Variants in GPAT3 observed in about 807,000 individuals in gnomAD.
GPAT3 encodes glycerol-3-phosphate acyltransferase 3.
In GPAT3, 53 loss-of-function variants were observed where a neutral mutation model predicts 58.8. The observed-to-expected ratio is 0.90, with a 90% CI of 0.72 to 1.13. The LOEUF (loss-of-function observed/expected upper bound fraction) is 1.13, where lower values mean the gene tolerates loss of function less well. Ranked by LOEUF, GPAT3 falls within the 50% of genes most tolerant of loss-of-function variation. The pLI, the probability that GPAT3 is intolerant of heterozygous loss-of-function variation, is 0.00. For missense variants in GPAT3, 511 were observed against 527.6 expected (o/e 0.97, Z 0.31); for synonymous variants, 197 against 187.4 (o/e 1.05, Z -0.42).
chr4:83,562,139 T>C (rs1279117880), intron 2 of GPAT3, among the ~76,000 whole-genome samples: 2 of 139,492 alleles, frequency 1.4e-5, no homozygotes, highest in Non-Finnish European at 3.0e-5. Flanking sequence ...GCCTAGGAGA[T>C]ATTAGGCACC....
At chr4:83,550,090 G>C (rs1396038157) in intron 2 of GPAT3, among the ~76,000 whole-genome samples, 1 of 151,880 alleles carries the variant, frequency 6.6e-6, no homozygotes, top group African/African-American at 2.4e-5. Flanking sequence ...AACTCCTCAG[G>C]ATGGTCTTAA....
At chr4:83,603,790 C>CAAA (rs58399873) in intron 11 of GPAT3, among the ~76,000 whole-genome samples, 35 of 120,626 alleles carry the variant, frequency 2.9e-4, no homozygotes, top group East Asian at 9.7e-4. Flanking sequence ...AACTCTGTCT[C>CAAA]AAAAAAAAAA....
At chr4:83,559,183 C>G (rs1725042533) in intron 2 of GPAT3, among the ~76,000 whole-genome samples, 1 of 152,118 alleles carries the variant, frequency 6.6e-6, no homozygotes, top group South Asian at 2.1e-4. Flanking sequence ...TTAACAGTGC[C>G]TGGTCATCTT....
chr4:83,580,451 T>C (rs1011435249), intron 2 of GPAT3, among the ~76,000 whole-genome samples: 2 of 152,210 alleles, frequency 1.3e-5, no homozygotes, highest in Non-Finnish European at 2.9e-5. Context: ...TGAACACCCT[T>C]GCCTACATTT....
At chr4:83,563,193 G>A (rs141790013) in intron 2 of GPAT3, among the ~76,000 whole-genome samples, 4 of 152,168 alleles carry the variant, frequency 2.6e-5, no homozygotes, top group Non-Finnish European at 4.4e-5. Context: ...GGACAAACAC[G>A]CAAAGGATAT....
chr4:83,605,711 T>A lies in GPAT3; in HGVS notation c.*944T>A, dbSNP rs1033406031. On this transcript the variant is annotated 3_prime_UTR_variant, in exon 12 of 12. Transcript: ENST00000264409. The stretch of plus-strand genomic sequence containing the variant: ...ATCTTTTGGAAACTGAGCCTTAATT[T>A]TTTTTAGAGGGGGAAATAAGTTTTC... The A allele has an allele frequency of 2.6e-5, 4 of 152,586 alleles. No homozygotes were observed. Among genetic ancestry groups the A allele is most frequent in the African/African-American group, 7.2e-5 (3 of 41,418 alleles). The allele number at this position is 152,586 out of a possible 1,614,324, so 9.5% of individuals were successfully genotyped here.
rs894678438 is a variant in GPAT3, at chr4:83,598,734, T to G, written c.1205+11T>G. On this transcript the variant is annotated intron_variant, in intron 11 of 11. Coordinates refer to ENST00000264409, the MANE Select transcript of GPAT3 (RefSeq NM_032717.5). ...GACTGAACTTCCCTGGTAAGAGAACTTTCAGAAGTACTATCACTTTTTTTT... is the reference window on the plus strand; with the variant it reads ...GACTGAACTTCCCTGGTAAGAGAACGTTCAGAAGTACTATCACTTTTTTTT... 2.3e-6 allele frequency: 2 copies of G among 882,578 alleles called. No homozygotes were observed. The highest frequency in any genetic ancestry group is 3.4e-6 in the Non-Finnish European group (2 of 586,380). 54.7% of individuals were successfully genotyped at this position (882,578 alleles called of 1,614,324 possible). A position where few individuals can be genotyped will look rare whatever the true frequency, so the allele number is the denominator to read the frequency against.
chr4:83,542,556 C>T (rs375697465), intron 1 of GPAT3, among the ~76,000 whole-genome samples: 3 of 152,222 alleles, frequency 2.0e-5, no homozygotes, highest in Non-Finnish European at 2.9e-5. Flanking sequence ...AGATATCATG[C>T]GTTACTCCCT....
chr4:83,573,195 C>T (rs1268858235), intron 2 of GPAT3, among the ~76,000 whole-genome samples: 4 of 152,008 alleles, frequency 2.6e-5, no homozygotes, highest in South Asian at 4.1e-4. Flanking sequence ...AGTGCAGTGG[C>T]GTGATCTTGG....
At chr4:83,598,005 A>T in intron 9 of GPAT3, 46 bp from the exon 10 acceptor site, 3 of 1,608,164 alleles carry the variant, frequency 1.9e-6, no homozygotes, top group Non-Finnish European at 2.5e-6. Context: ...CACGGATGAG[A>T]AACCACCCTT....
In GPAT3 at chr4:83,598,663, A is replaced by G; in HGVS notation, c.1145A>G (p.Gln382Arg). 6.3e-7 allele frequency: 1 copy of G among 1,580,912 alleles called. No homozygotes were observed. Among genetic ancestry groups the G allele is most frequent in the African/African-American group, 1.4e-5 (1 of 72,338 alleles). The change falls in exon 11 of 12, where the codon CAG (glutamine) becomes CGG (arginine). Residue 382 changes from glutamine to arginine, a missense_variant. Transcript: ENST00000264409. ...AACCAGGAAGGAGAAGATGCAGTCC[A>G]GTTTGCTAACAGGGTTAAGTCTGCT... ...MTREEGEDAVQFANRVKSAIA... is the reference protein window; with the variant it reads ...MTREEGEDAVRFANRVKSAIA...
At chr4:83,540,112 A>G (rs10017622) in intron 1 of GPAT3, among the ~76,000 whole-genome samples, 51,325 of 150,086 alleles carry the variant, frequency 0.34, 9,695 homozygotes, top group Middle Eastern at 0.5. Context: ...AGCCAAGATC[A>G]CGCCACTGCG....
In GPAT3 at chr4:83,544,567, C is replaced by A. The variant is rs770597402; in HGVS notation, c.173C>A (p.Pro58Gln). Residue 58 changes from proline to glutamine, a missense_variant, in exon 2 of 12, where the codon CCA becomes CAA. Transcript: ENST00000264409. ...ACAATACGAATTGAAAAAGGAACCCCAAAGGAGTCGATTCTTAAAAACTCT... is the reference window on the plus strand; with the variant it reads ...ACAATACGAATTGAAAAAGGAACCCAAAAGGAGTCGATTCTTAAAAACTCT... ...WATIRIEKGT[P>Q]KESILKNSAS... The A allele has an allele frequency of 1.2e-5, 19 of 1,613,938 alleles. 1 individual carries two copies. In the South Asian group the frequency reaches 2.0e-4, roughly 17 times the overall value.
At chr4:83,578,948 T>TTTTCTCTTTCTTTC (rs1560620550) in intron 2 of GPAT3, among the ~76,000 whole-genome samples, 1 of 71,848 alleles carries the variant, frequency 1.4e-5, no homozygotes, top group Non-Finnish European at 2.7e-5. Context: ...TTTTCTTTTC[T>TTTTCTCTTTCTTTC]TTTCTTTCTT....
chr4:83,537,538 AG>A (rs1352493062), intron 1 of GPAT3, among the ~76,000 whole-genome samples: 1 of 151,814 alleles, frequency 6.6e-6, no homozygotes, highest in Non-Finnish European at 1.5e-5. Context: ...CTTTGAATTA[AG>A]TGTTAGAAGC....
intron 2 of GPAT3, among the ~76,000 whole-genome samples, chr4:83,581,037 A>T (rs1010750467): frequency 3.6e-5 from 5 of 139,960 alleles, no homozygotes; most frequent in South Asian, 2.3e-4. Context: ...CGGAGCTTGC[A>T]GTAAGCTGAG....
intron 1 of GPAT3, 128 bp from the exon 2 acceptor site, chr4:83,544,408 G>C: frequency 1.1e-6 from 1 of 884,854 alleles, no homozygotes; most frequent in Non-Finnish European, 1.9e-6. Context: ...AGATTCCCTG[G>C]GGTTAGCTCT....
intron 2 of GPAT3, among the ~76,000 whole-genome samples, chr4:83,556,777 G>T (rs1724957674): frequency 6.7e-6 from 1 of 148,716 alleles, no homozygotes; most frequent in South Asian, 2.1e-4. Flanking sequence ...CTCATCTACG[G>T]TTCTCAAAAA....
chr4:83,575,145 G>T (rs1240244209), intron 2 of GPAT3, among the ~76,000 whole-genome samples: 1 of 151,952 alleles, frequency 6.6e-6, no homozygotes, highest in Non-Finnish European at 1.5e-5. Flanking sequence ...CAAAGTGCTG[G>T]GATTACAGGC....
Sources: allele counts gnomAD v4.1 joint callset (sites outside exome capture counted in the v4.1 genomes callset), GRCh38; gene constraint gnomAD v4.1.1; transcripts MANE v1.5; gene names NCBI Gene and HGNC (gene_info 2026-07-23, HGNC 2026-07-21).